The following GNA11 variants were observed in gnomAD, a reference collection of about 807,000 sequenced individuals.
The protein encoded by GNA11 is G protein subunit alpha 11.
In GNA11, 8 loss-of-function variants were observed where a neutral mutation model predicts 38.2. The ratio of observed to expected loss-of-function variants is 0.21; its 90% CI spans 0.12 to 0.38. GNA11 has a LOEUF of 0.38. Among genes scored for constraint, GNA11 ranks in the 10% least tolerant of loss-of-function variants. The probability of loss-of-function intolerance (pLI) is 1.00; values close to 1 mark genes in which losing one functional copy is unlikely to be tolerated. For missense variants in GNA11, 268 were observed against 516.3 expected, an observed-to-expected ratio of 0.52 and a Z score of 4.66; for synonymous variants, 211 against 221.4, an observed-to-expected ratio of 0.95 and a Z score of 0.42.
chr19:3,117,797 G>C (rs1160694302), intron 4 of GNA11: 1 of 152,396 alleles, frequency 6.6e-6, no homozygotes, highest in East Asian at 1.9e-4. Flanking sequence ...CCGGCCAGGT[G>C]CTGTGGGATG....
rs1252137422 is a variant in GNA11, at chr19:3,113,314, C to T, written c.322-16C>T. The T allele has an allele frequency of 1.2e-6, 2 of 1,609,512 alleles. No homozygotes were observed. The highest frequency in any genetic ancestry group is 8.5e-7 in the Non-Finnish European group (1 of 1,179,182). ...CCCCAGCGAGCTCTCGACGTCTCCCCTGCCCGCCCTCGCAGGCCAATGCGC... is the reference window on the plus strand; with the variant it reads ...CCCCAGCGAGCTCTCGACGTCTCCCTTGCCCGCCCTCGCAGGCCAATGCGC... On this transcript the variant is annotated splice_polypyrimidine_tract_variant and intron_variant, in intron 2 of 6. Coordinates refer to ENST00000078429, the MANE Select transcript of GNA11 (RefSeq NM_002067.5).
intron 1 of GNA11, among the ~76,000 whole-genome samples, chr19:3,102,381 C>T (rs1913526804): frequency 6.6e-6 from 1 of 152,242 alleles, no homozygotes. Context: ...CTGTCATGCC[C>T]CACCTGGGGT....
chr19:3,099,513 C>T (rs972195357), intron 1 of GNA11, among the ~76,000 whole-genome samples: 12 of 152,202 alleles, frequency 7.9e-5, no homozygotes, highest in African/African-American at 2.9e-4. Context: ...TAGCTCCTGC[C>T]GCCAGGCCCT....
chr19:3,122,280 G>T lies in GNA11; in HGVS notation c.*1101G>T, dbSNP rs777890194. On this transcript the variant is annotated 3_prime_UTR_variant, in exon 7 of 7. Transcript: ENST00000078429. This position sits in a 1 kb window ranked among gnomAD's most constrained non-coding sequence, Gnocchi z 7.7. Reference sequence around the variant, plus strand: ...AGAGAGGGACGTGGCCGGCAGCTCTGTGCGTGGCCTTGTCCCAAGCACTTG... The same window carrying T: ...AGAGAGGGACGTGGCCGGCAGCTCTTTGCGTGGCCTTGTCCCAAGCACTTG... 4.3e-6 allele frequency: 1 copy of T among 232,682 alleles called. No homozygotes were observed. The highest frequency in any genetic ancestry group is 6.0e-5 in the East Asian group (1 of 16,568). The allele number at this position is 232,682 out of a possible 1,614,324, so 14.4% of individuals were successfully genotyped here. A position where few individuals can be genotyped will look rare whatever the true frequency, so the allele number is the denominator to read the frequency against.
rs995989170 is a variant in GNA11 at position 3,122,475 on chromosome 19, C to T, written c.*1296C>T. ...CAGGCCACGCCGCACTGAGCCACAG[C>T]CCCGGGGGCCGCCTCCCGGGGCCCC... is the stretch of plus-strand genomic sequence containing the variant. On this transcript the variant is annotated 3_prime_UTR_variant, in exon 7 of 7. Transcript: ENST00000078429. The surrounding 1 kb of genome is among the most constrained non-coding windows in gnomAD (Gnocchi z 7.7). 5 of 231,612 alleles carry T rather than the reference C, an allele frequency of 2.2e-5. No homozygotes were observed. Among genetic ancestry groups the T allele is most frequent in the Non-Finnish European group, 3.4e-5 (4 of 117,008 alleles). 14.3% of individuals were successfully genotyped at this position (231,612 alleles called of 1,614,324 possible).
rs982697419 is a variant in GNA11, at chr19:3,121,277, C to T, written c.*98C>T. 6.7e-5 allele frequency: 57 copies of T among 845,256 alleles called. No individual in the cohort carries two copies. Among genetic ancestry groups the T allele is most frequent in the South Asian group, 2.2e-4 (13 of 59,698 alleles). 52.4% of individuals were successfully genotyped at this position (845,256 alleles called of 1,614,324 possible). ...GCGGGTGGCGCTGCCGAGTCCGGGC[C>T]GGGGCCTCTGCCCGCGGGAGGAGAT... On this transcript the variant is annotated 3_prime_UTR_variant, in exon 7 of 7. Transcript: ENST00000078429.
At chr19:3,112,392 C>T (rs1257291027) in intron 2 of GNA11, among the ~76,000 whole-genome samples, 2 of 152,162 alleles carry the variant, frequency 1.3e-5, no homozygotes, top group African/African-American at 4.8e-5. Context: ...CCCCGTGGCT[C>T]CCAGAGCCCA....
intron 4 of GNA11, among the ~76,000 whole-genome samples, chr19:3,116,075 T>C (rs79796427): frequency 0.044 from 6,702 of 151,794 alleles, 455 homozygotes; most frequent in Admixed American, 0.17. Context: ...GGGCTGCCCC[T>C]GCGGATCCTG....
At chr19:3,098,560 C>T (rs1050018138) in intron 1 of GNA11, among the ~76,000 whole-genome samples, 1 of 152,188 alleles carries the variant, frequency 6.6e-6, no homozygotes, top group South Asian at 2.1e-4. Context: ...GAGGCTGAGC[C>T]GGAGTGGCTC....
intron 4 of GNA11, 48 bp from the exon 5 acceptor site, chr19:3,118,876 G>C: frequency 6.3e-7 from 1 of 1,590,720 alleles, no homozygotes; most frequent in South Asian, 1.1e-5. Flanking sequence ...ATTGCAGATT[G>C]GGCCTTGGGG....
chr19:3,108,274 AC>A lies in GNA11; in HGVS notation c.137-1873del, dbSNP rs1207852284. ...CCAGGTGAGGGGTCCTGCGACAGGC[AC>A]CTGTGCAAAGATATCTACCATGGGC... On this transcript the variant is annotated intron_variant, in intron 1 of 6. Transcript: ENST00000078429. The surrounding 1 kb of genome is among the most constrained non-coding windows in gnomAD (Gnocchi z 4.5). Among the ~76,000 whole-genome samples the A allele has an allele frequency of 1.3e-5, 2 of 152,128 alleles. No individual in the cohort carries two copies. Among genetic ancestry groups the A allele is most frequent in the Non-Finnish European group, 2.9e-5 (2 of 68,020 alleles).
At position 3,110,204 on chromosome 19, in the gene GNA11, C is replaced by G. The variant is rs755663461; in HGVS notation, c.192C>G (p.Gly64=). 1 of 1,613,596 alleles carries G rather than the reference C, an allele frequency of 6.2e-7. No homozygotes were observed. The highest frequency in any genetic ancestry group is 8.5e-7 in the Non-Finnish European group (1 of 1,179,794). ...TFIKQMRIIH[G]AGYSEEDKRG... is the part of the protein sequence containing the mutation. Reference sequence around the variant, plus strand: ...TCAAGCAGATGCGCATCATCCACGGCGCCGGCTACTCGGAGGAGGACAAGC... The same window carrying G: ...TCAAGCAGATGCGCATCATCCACGGGGCCGGCTACTCGGAGGAGGACAAGC... The change falls in exon 2 of 7, where the codon GGC becomes GGG. Residue 64 remains glycine, a synonymous_variant. Coordinates refer to ENST00000078429, the MANE Select transcript of GNA11 (RefSeq NM_002067.5). The surrounding 1 kb of genome is among the most constrained non-coding windows in gnomAD (Gnocchi z 5.4).
At chr19:3,101,863 T>A (rs1170343529) in intron 1 of GNA11, among the ~76,000 whole-genome samples, 1 of 151,916 alleles carries the variant, frequency 6.6e-6, no homozygotes, top group Non-Finnish European at 1.5e-5. Flanking sequence ...AGAGGCCGAG[T>A]CAGGCAGATC....
At chr19:3,115,334 G>T (rs1468641075) in intron 4 of GNA11, 3 of 408,106 alleles carry the variant, frequency 7.4e-6, no homozygotes, top group Non-Finnish European at 1.3e-5. Flanking sequence ...AAGCCCAGGA[G>T]GTTGAGGCTG....
chr19:3,114,566 C>T (rs1913858197), intron 3 of GNA11, among the ~76,000 whole-genome samples: 1 of 152,146 alleles, frequency 6.6e-6, no homozygotes, highest in Non-Finnish European at 1.5e-5. Flanking sequence ...AAGCCTCATC[C>T]CTGGGGCCAG....
chr19:3,115,196 G>T, intron 4 of GNA11, 124 bp downstream of exon 4: 1 of 1,130,030 alleles, frequency 8.8e-7, no homozygotes, highest in Non-Finnish European at 1.3e-6. Flanking sequence ...CTGAGTCCAG[G>T]AGTTTGAGAC....
rs183697662 is a variant in GNA11 at position 3,115,185 on chromosome 19, C to A, written c.605+113C>A. ...TTGGGAGGCCAAGGCGGGAGGATCG[C>A]CTGAGTCCAGGAGTTTGAGACCACC... On this transcript the variant is annotated intron_variant, in intron 4 of 6. Coordinates refer to ENST00000078429, the MANE Select transcript of GNA11 (RefSeq NM_002067.5). 3.3e-4 allele frequency: 415 copies of A among 1,275,294 alleles called. 3 individuals carry two copies. The African/African-American group carries it at 5.3e-3, about 16-fold the overall frequency. 79.0% of individuals were successfully genotyped at this position (1,275,294 alleles called of 1,614,324 possible). A position where few individuals can be genotyped will look rare whatever the true frequency, so the allele number is the denominator to read the frequency against.
chr19:3,114,942 A>G lies in GNA11; in HGVS notation c.477-2A>G, dbSNP rs2145320638. On this transcript the variant is annotated splice_acceptor_variant, in intron 3 of 6. Transcript: ENST00000078429. LOFTEE classifies it high-confidence loss of function. ...GCCTGAGCACCCACCGCTGTGTTGC[A>G]GCTACCTGACCGACGTTGACCGCAT... 1 of 1,602,064 alleles carries G rather than the reference A, an allele frequency of 6.2e-7. No homozygotes were observed. Among genetic ancestry groups the G allele is most frequent in the Non-Finnish European group, 8.5e-7 (1 of 1,175,876 alleles).
At chr19:3,102,099 A>AAAAC (rs761767188) in intron 1 of GNA11, among the ~76,000 whole-genome samples, 2 of 151,872 alleles carry the variant, frequency 1.3e-5, no homozygotes, top group Non-Finnish European at 1.5e-5. Context: ...TTCTGTCTCA[A>AAAAC]AAACAAACAA....
Sources: allele counts gnomAD v4.1 joint callset (sites outside exome capture counted in the v4.1 genomes callset), GRCh38; gene constraint gnomAD v4.1.1; non-coding constraint Gnocchi (gnomAD v3.1); transcripts MANE v1.5; gene names NCBI Gene and HGNC (gene_info 2026-07-23, HGNC 2026-07-21).